Variants in TMED10 observed in about 807,000 individuals in gnomAD.
TMED10 encodes transmembrane emp24 domain-containing protein 10.
TMED10 carries 7 observed loss-of-function variants against 23.1 expected under a neutral mutation model. The ratio of observed to expected loss-of-function variants is 0.30; its 90% CI spans 0.17 to 0.57. TMED10 has a LOEUF of 0.57. Ranked by LOEUF, TMED10 falls within the 20% of genes least tolerant of loss-of-function variation. TMED10 has a pLI of 0.91. For missense variants in TMED10, 162 were observed against 274.8 expected (o/e 0.59, Z 2.90); for synonymous variants, 113 against 106.9 (o/e 1.06, Z -0.35).
chr14:75,172,305 ATTG>A (rs943170073), intron 1 of TMED10, among the ~76,000 whole-genome samples: 2 of 151,128 alleles, frequency 1.3e-5, no homozygotes, highest in African/African-American at 4.9e-5. Flanking sequence ...TCAAGGAATC[ATTG>A]TTCTTTTTTT....
At chr14:75,144,050 G>A (rs1317314464) in intron 3 of TMED10, among the ~76,000 whole-genome samples, 2 of 152,136 alleles carry the variant, frequency 1.3e-5, no homozygotes, top group African/African-American at 4.8e-5. Context: ...TCCAACCAGG[G>A]CAGCTGTGTT....
intron 3 of TMED10, among the ~76,000 whole-genome samples, chr14:75,138,245 A>C (rs1895777210): frequency 6.6e-6 from 1 of 152,218 alleles, no homozygotes; most frequent in African/African-American, 2.4e-5. Context: ...CTGCTGTTAA[A>C]ATTGGGATGT....
chr14:75,175,508 G>A (rs1239293784), intron 1 of TMED10, among the ~76,000 whole-genome samples: 3 of 150,062 alleles, frequency 2.0e-5, no homozygotes, highest in African/African-American at 7.4e-5. Flanking sequence ...ACCAAACACC[G>A]CATGTTCTCA....
chr14:75,147,956 A>G (rs1895909321), intron 2 of TMED10: 3 of 590,858 alleles, frequency 5.1e-6, no homozygotes, highest in Non-Finnish European at 6.0e-6. Flanking sequence ...CCGGAAAGCA[A>G]CAAGAACATG....
intron 1 of TMED10, among the ~76,000 whole-genome samples, chr14:75,157,587 C>T (rs1020487642): frequency 1.1e-4 from 16 of 151,956 alleles, no homozygotes; most frequent in African/African-American, 3.9e-4. Context: ...GAGGTCGAGG[C>T]TGCAGTGAGC....
At chr14:75,145,761 T>C (rs941510383) in intron 3 of TMED10, among the ~76,000 whole-genome samples, 7 of 152,172 alleles carry the variant, frequency 4.6e-5, no homozygotes, top group Non-Finnish European at 7.3e-5. Flanking sequence ...CACTCCAGCC[T>C]GGGCAACCAA....
At chr14:75,150,183 G>C (rs907114365) in intron 2 of TMED10, among the ~76,000 whole-genome samples, 4 of 151,942 alleles carry the variant, frequency 2.6e-5, no homozygotes, top group African/African-American at 9.7e-5. Context: ...GACTGCACAG[G>C]GTAAGACTGA....
At chr14:75,158,848 C>T (rs1896052965) in intron 1 of TMED10, among the ~76,000 whole-genome samples, 4 of 152,018 alleles carry the variant, frequency 2.6e-5, no homozygotes, top group African/African-American at 9.7e-5. Flanking sequence ...CACTTGAACC[C>T]GGGAGATGGA....
At chr14:75,138,501 A>G (rs141637970) in intron 3 of TMED10, among the ~76,000 whole-genome samples, 1 of 152,212 alleles carries the variant, frequency 6.6e-6, no homozygotes, top group Non-Finnish European at 1.5e-5. Flanking sequence ...CAGAATATAT[A>G]TCTGTTCATT....
At chr14:75,160,642 G>A (rs757416811) in intron 1 of TMED10, among the ~76,000 whole-genome samples, 2 of 152,016 alleles carry the variant, frequency 1.3e-5, no homozygotes, top group Non-Finnish European at 2.9e-5. Flanking sequence ...TTAAACAAAG[G>A]TAATACCAAG....
chr14:75,166,452 G>A (rs560970975), intron 1 of TMED10, among the ~76,000 whole-genome samples: 55 of 152,242 alleles, frequency 3.6e-4, no homozygotes, highest in Non-Finnish European at 7.2e-4. Flanking sequence ...CACCCCTACT[G>A]GGTTACCTTT....
intron 1 of TMED10, among the ~76,000 whole-genome samples, chr14:75,170,443 T>A (rs1189759173): frequency 6.6e-6 from 1 of 152,096 alleles, no homozygotes; most frequent in African/African-American, 2.4e-5. Context: ...AGGATAGACA[T>A]ATACAAGATA....
rs753152776 is a variant in TMED10 at position 75,135,843 on chromosome 14, C to T, written c.455G>A (p.Arg152Gln). 8 of 1,614,144 alleles carry T rather than the reference C, an allele frequency of 5.0e-6. No homozygotes were observed. In the East Asian group the frequency reaches 8.9e-5, roughly 18 times the overall value. Residue 152 changes from arginine (R) to glutamine (Q), a missense_variant, in exon 4 of 5, where the codon CGA becomes CAA. Physicochemically the swap from Arg to Gln is conservative, Grantham distance 43. This residue lies in a region of TMED10 where 126 missense variants were observed against 239.5 expected (regional missense o/e 0.53). Transcript: ENST00000303575. Reference sequence around the variant, plus strand: ...AGATTCTGAAAGGTCTTCTAGGCGTCGCAGCTCTACCTCTAATGGTTTGAG... The same window carrying T: ...AGATTCTGAAAGGTCTTCTAGGCGTTGCAGCTCTACCTCTAATGGTTTGAG... ...EKLKPLEVEL[R>Q]RLEDLSESIV...
chr14:75,164,295 G>A lies in TMED10; in HGVS notation c.225+12060C>T, dbSNP rs928679649. On this transcript the variant is annotated intron_variant, in intron 1 of 4. Coordinates refer to ENST00000303575, the MANE Select transcript of TMED10 (RefSeq NM_006827.6). The stretch of plus-strand genomic sequence containing the variant: ...TGCTCAGGCTGGAGTGCAGTGGCAC[G>A]ATCAGAGCTCACTGCAACCTCCACC... 4.3e-4 allele frequency among the ~76,000 whole-genome samples: 61 copies of A among 143,048 alleles called. 1 individual carries two copies. The highest frequency in any genetic ancestry group is 6.9e-4 in the Non-Finnish European group (46 of 66,380). 93.8% of individuals were successfully genotyped at this position (143,048 alleles called of 152,430 possible).
chr14:75,149,334 C>T (rs1269960719), intron 2 of TMED10, among the ~76,000 whole-genome samples: 1 of 152,232 alleles, frequency 6.6e-6, no homozygotes, highest in African/African-American at 2.4e-5. Context: ...CCTTCTTGCT[C>T]TCCTGTGCAT....
At chr14:75,156,881 T>C in intron 1 of TMED10, among the ~76,000 whole-genome samples, 1 of 142,968 alleles carries the variant, frequency 7.0e-6, no homozygotes, top group East Asian at 2.0e-4. Flanking sequence ...GCCACTGCAT[T>C]CCAGCCTGGT....
At chr14:75,151,741 G>A (rs1385028078) in intron 2 of TMED10, among the ~76,000 whole-genome samples, 1 of 152,116 alleles carries the variant, frequency 6.6e-6, no homozygotes. Context: ...CACTCTTGGT[G>A]TACATTCCAA....
At chr14:75,164,563 ATATATATATATATATTTTTTTTT>A (rs1248189546) in intron 1 of TMED10, among the ~76,000 whole-genome samples, 119 of 4,242 alleles carry the variant, frequency 0.028, 7 homozygotes, top group African/African-American at 0.069. Context: ...ATATATATAT[ATATATATATATATATTTTTTTTT>A]TTTTTTTTGT....
chr14:75,150,925 C>A (rs1895948323), intron 2 of TMED10, among the ~76,000 whole-genome samples: 1 of 152,160 alleles, frequency 6.6e-6, no homozygotes, highest in African/African-American at 2.4e-5. Context: ...TGTTTTGAGA[C>A]AGAGTCTCGC....
Sources: allele counts gnomAD v4.1 joint callset (sites outside exome capture counted in the v4.1 genomes callset), GRCh38; gene constraint gnomAD v4.1.1; regional missense constraint gnomAD v4.1.1; transcripts MANE v1.5; gene names NCBI Gene and HGNC (gene_info 2026-07-23, HGNC 2026-07-21).